CRYBB3: variants seen among roughly 807,000 people sequenced by gnomAD.
CRYBB3 encodes crystallin beta B3, also known as beta-crystallin B3.
CRYBB3 carries 35 observed loss-of-function variants against 28.3 expected under a neutral mutation model. That is an observed-to-expected ratio of 1.24 (90% CI 0.95 to 1.64). The LOEUF (loss-of-function observed/expected upper bound fraction) is 1.64. Among genes scored for constraint, CRYBB3 ranks in the 40% most tolerant of loss-of-function variants. The probability of loss-of-function intolerance (pLI) is 0.00; values close to 1 mark genes in which losing one functional copy is unlikely to be tolerated. For missense variants in CRYBB3, 296 were observed against 297.4 expected, an observed-to-expected ratio of 1.00 and a Z score of 0.04; for synonymous variants, 106 against 110.4, an observed-to-expected ratio of 0.96 and a Z score of 0.25.
intron 2 of CRYBB3, among the ~76,000 whole-genome samples, 154 bp from the exon 3 acceptor site, chr22:25,202,520 C>A (rs1189409105): frequency 6.6e-6 from 1 of 152,180 alleles, no homozygotes; most frequent in Non-Finnish European, 1.5e-5. Flanking sequence ...CCCTCCATGA[C>A]CATTAGAGGG....
chr22:25,204,000 T>C (rs1242133027), intron 4 of CRYBB3, 105 bp downstream of exon 4: 5 of 1,432,318 alleles, frequency 3.5e-6, no homozygotes, highest in South Asian at 3.5e-5. Flanking sequence ...TTGGCCCATA[T>C]GGACCTGGCC....
At position 25,206,904 on chromosome 22, in the gene CRYBB3, C is replaced by T. The variant is rs1935044917; in HGVS notation, c.471-143C>T. The T allele has an allele frequency of 2.7e-5, 20 of 745,952 alleles. No individual in the cohort carries two copies. In the South Asian group the frequency reaches 2.8e-4, roughly 11 times the overall value. 46.2% of individuals were successfully genotyped at this position (745,952 alleles called of 1,614,324 possible). A position where few individuals can be genotyped will look rare whatever the true frequency, so the allele number is the denominator to read the frequency against. On this transcript the variant is annotated intron_variant, in intron 5 of 5. Transcript: ENST00000215855. ...GATGCTTTGTTAAGGGTCCTGTGAG[C>T]AGGGTAAAGAGTTTGGATTCATCCC...
intron 2 of CRYBB3, 46 bp downstream of exon 2, chr22:25,201,517 C>G: frequency 6.2e-7 from 1 of 1,603,740 alleles, no homozygotes; most frequent in Non-Finnish European, 8.5e-7. Context: ...ACTCCTGGGC[C>G]TCAGGGTCAT....
intron 2 of CRYBB3, 103 bp from the exon 3 acceptor site, chr22:25,202,571 A>C: frequency 3.8e-6 from 6 of 1,594,904 alleles, no homozygotes; most frequent in Non-Finnish European, 5.1e-6. Context: ...GGCTGGAGAG[A>C]TGCAGAAAGC....
intron 4 of CRYBB3, 30 bp from the exon 5 acceptor site, chr22:25,205,190 C>T (rs1935010327): frequency 6.2e-7 from 1 of 1,612,796 alleles, no homozygotes; most frequent in Non-Finnish European, 8.5e-7. Flanking sequence ...GATATGGGAG[C>T]AGCCGCTCAC....
At chr22:25,200,652 T>C (rs1367694080) in intron 1 of CRYBB3, among the ~76,000 whole-genome samples, 1 of 152,160 alleles carries the variant, frequency 6.6e-6, no homozygotes, top group Non-Finnish European at 1.5e-5. Context: ...CGTGTCACTG[T>C]CCCTGTAGCA....
chr22:25,202,150 T>G (rs1934958019), intron 2 of CRYBB3, among the ~76,000 whole-genome samples: 1 of 152,198 alleles, frequency 6.6e-6, no homozygotes, highest in African/African-American at 2.4e-5. Context: ...AGATGTTCCC[T>G]GGGGATCTTC....
Position 25,203,645 on chromosome 22 carries a change from G to A in CRYBB3, c.195-118G>A. 3 of 1,120,212 alleles carry A rather than the reference G, an allele frequency of 2.7e-6. No individual in the cohort carries two copies. In the East Asian group the frequency reaches 7.1e-5, roughly 27 times the overall value. 69.4% of individuals were successfully genotyped at this position (1,120,212 alleles called of 1,614,324 possible). Reference sequence around the variant, plus strand: ...ATTACAGGTCCAGGAATTAGCAGTAGGGTTGGAGGGAGGGTACAAGGTTCA... The same window carrying A: ...ATTACAGGTCCAGGAATTAGCAGTAAGGTTGGAGGGAGGGTACAAGGTTCA... On this transcript the variant is annotated intron_variant, in intron 3 of 5. Coordinates refer to ENST00000215855, the MANE Select transcript of CRYBB3 (RefSeq NM_004076.5).
chr22:25,202,828 C>T, intron 3 of CRYBB3, 36 bp downstream of exon 3: 1 of 1,610,944 alleles, frequency 6.2e-7, no homozygotes, highest in South Asian at 1.1e-5. Flanking sequence ...CGCCACAGCC[C>T]TGAGCCTTCT....
chr22:25,200,988 C>T (rs1934936687), intron 1 of CRYBB3, among the ~76,000 whole-genome samples: 1 of 152,174 alleles, frequency 6.6e-6, no homozygotes, highest in African/African-American at 2.4e-5. Context: ...TGAAGCCCAC[C>T]CTTTAGCCAG....
At chr22:25,206,940 G>A in intron 5 of CRYBB3, 107 bp from the exon 6 acceptor site, 1 of 848,060 alleles carries the variant, frequency 1.2e-6, no homozygotes, top group Non-Finnish European at 2.1e-6. Flanking sequence ...AAGGGCTCTG[G>A]GGAGCTAAAG....
At chr22:25,205,988 A>C (rs1454712039) in intron 5 of CRYBB3, among the ~76,000 whole-genome samples, 1 of 152,130 alleles carries the variant, frequency 6.6e-6, no homozygotes, top group Non-Finnish European at 1.5e-5. Flanking sequence ...GTATGCAGTT[A>C]TTGAGATGTG....
At chr22:25,202,100 T>A (rs1367220806) in intron 2 of CRYBB3, among the ~76,000 whole-genome samples, 1 of 152,194 alleles carries the variant, frequency 6.6e-6, no homozygotes, top group Admixed American at 6.5e-5. Flanking sequence ...ATCTTACCCT[T>A]TCTGAGCTTC....
At chr22:25,201,508 C>T in intron 2 of CRYBB3, 37 bp downstream of exon 2, 1 of 1,607,526 alleles carries the variant, frequency 6.2e-7, no homozygotes, top group Non-Finnish European at 8.5e-7. Flanking sequence ...GCCCAGGCTA[C>T]TCCTGGGCCT....
chr22:25,203,361 G>A (rs1462744694), intron 3 of CRYBB3, among the ~76,000 whole-genome samples: 1 of 152,232 alleles, frequency 6.6e-6, no homozygotes, highest in East Asian at 1.9e-4. Context: ...ACAATGGTAC[G>A]TACTTCAGAG....
At chr22:25,202,921 C>A in intron 3 of CRYBB3, 129 bp downstream of exon 3, 3 of 1,508,340 alleles carry the variant, frequency 2.0e-6, no homozygotes, top group Non-Finnish European at 2.7e-6. Context: ...CCTCGTTTTC[C>A]GCATCTGTAA....
intron 3 of CRYBB3, among the ~76,000 whole-genome samples, chr22:25,203,157 T>C (rs373053606): frequency 1.3e-5 from 2 of 152,212 alleles, no homozygotes; most frequent in East Asian, 3.8e-4. Context: ...ATTCCCACTT[T>C]ATAGATGGGG....
chr22:25,200,231 G>A (rs1304412241), intron 1 of CRYBB3, among the ~76,000 whole-genome samples: 1 of 152,054 alleles, frequency 6.6e-6, no homozygotes, highest in Non-Finnish European at 1.5e-5. Flanking sequence ...GCTGGACCAA[G>A]CCCTGTTTCC....
chr22:25,204,002 G>T, intron 4 of CRYBB3, 107 bp downstream of exon 4: 1 of 1,409,150 alleles, frequency 7.1e-7, no homozygotes, highest in Non-Finnish European at 1.0e-6. Flanking sequence ...GGCCCATATG[G>T]ACCTGGCCTG....
Sources: allele counts gnomAD v4.1 joint callset (sites outside exome capture counted in the v4.1 genomes callset), GRCh38; gene constraint gnomAD v4.1.1; transcripts MANE v1.5; gene names NCBI Gene and HGNC (gene_info 2026-07-23, HGNC 2026-07-21).